NAPRT: variants seen among roughly 807,000 people sequenced by gnomAD.
NAPRT encodes the protein nicotinate phosphoribosyltransferase.
Under a neutral mutation model 60.7 loss-of-function variants are expected in NAPRT, and 66 were observed. The observed-to-expected ratio is 1.09, with a 90% CI of 0.89 to 1.33. The LOEUF (loss-of-function observed/expected upper bound fraction) is 1.33, where lower values mean the gene tolerates loss of function less well. Ranked by LOEUF, NAPRT falls within the 40% of genes most tolerant of loss-of-function variation. The probability of loss-of-function intolerance (pLI) is 0.00; values close to 1 mark genes in which losing one functional copy is unlikely to be tolerated. For synonymous variants in NAPRT, 405 were observed against 335.7 expected, an observed-to-expected ratio of 1.21 and a Z score of -2.26; for missense variants, 818 against 731.5, an observed-to-expected ratio of 1.12 and a Z score of -1.36.
intron 8 of NAPRT, 36 bp from the exon 9 acceptor site, chr8:143,575,738 C>T: frequency 6.8e-7 from 1 of 1,466,576 alleles, no homozygotes. Flanking sequence ...AGCCCAGCTG[C>T]CCTGGGTGGG....
downstream of NAPRT, chr8:143,573,855 C>T (rs1227715449): frequency 1.3e-5 from 2 of 152,420 alleles, no homozygotes; most frequent in African/African-American, 4.8e-5. Context: ...CACCCTCCAC[C>T]CTCAGCCAAC....
In NAPRT at chr8:143,576,026, G is replaced by A. The variant is rs1281227402; in HGVS notation, c.1107+52C>T. 1.1e-5 allele frequency: 16 copies of A among 1,457,978 alleles called. No individual in the cohort carries two copies. In the Admixed American group the frequency reaches 3.5e-4, roughly 32 times the overall value. 90.3% of individuals were successfully genotyped at this position (1,457,978 alleles called of 1,614,324 possible). On this transcript the variant is annotated intron_variant, in intron 8 of 12. Transcript: ENST00000449291. The stretch of plus-strand genomic sequence containing the variant: ...CAATGAGCCCAGCCAGAACCTGCAG[G>A]GGCCCCCAGAGCCCCCCAGCCACCC...
chr8:143,575,005 C>T lies in NAPRT; in HGVS notation c.1535G>A (p.Arg512Gln), dbSNP rs945485564. 50 of 1,524,790 alleles carry T rather than the reference C, an allele frequency of 3.3e-5. No homozygotes were observed. The highest frequency in any genetic ancestry group is 3.8e-5 in the Non-Finnish European group (43 of 1,132,406). The allele number at this position is 1,524,790 out of a possible 1,614,324, so 94.5% of individuals were successfully genotyped here. Residue 512 changes from arginine to glutamine, a missense_variant, in exon 12 of 13, where the codon CGG (arginine) becomes CAG (glutamine). Arg to Gln is a conservative substitution (Grantham distance 43). Coordinates refer to ENST00000449291, the MANE Select transcript of NAPRT (RefSeq NM_145201.6). ...SRLSPEHRRLRSPAQYQVVLS... is the reference protein window; with the variant it reads ...SRLSPEHRRLQSPAQYQVVLS... ...CCCAACCTGGTACTGTGCAGGGCTCCGCAGCCGCCTGTGCTCAGGGCTGAG... is the reference window on the plus strand; with the variant it reads ...CCCAACCTGGTACTGTGCAGGGCTCTGCAGCCGCCTGTGCTCAGGGCTGAG...
chr8:143,577,122 G>A lies in NAPRT; in HGVS notation c.624C>T (p.Ala208=), dbSNP rs766701852. The A allele has an allele frequency of 2.8e-5, 45 of 1,612,868 alleles. No homozygotes were observed. The highest frequency in any genetic ancestry group is 1.6e-4 in the Middle Eastern group (1 of 6,084). ...TGACGAAGGAGTGGGCCAGGGTCCC[G>A]GCCACCGGCACACCTCGCAGCTGGC... ...LAGQLRGVPV[A]GTLAHSFVTS... Residue 208 remains alanine, a synonymous_variant, in exon 5 of 13, where the codon GCC becomes GCT. Transcript: ENST00000449291.
intron 5 of NAPRT, 81 bp from the exon 6 acceptor site, chr8:143,576,923 G>A (rs1216161933): frequency 2.0e-6 from 3 of 1,510,134 alleles, no homozygotes; most frequent in African/African-American, 2.8e-5. Flanking sequence ...CCTAGTTTGA[G>A]AGCAAAGGTA....
rs1355085816 is a variant in NAPRT at position 143,574,833 on chromosome 8, G to A, written c.*5C>T. ...TGTTGTTTCCAGTCAGCCCCGCTCC[G>A]AGTCTCAGGGGGACTGCCCCGCACA... On this transcript the variant is annotated 3_prime_UTR_variant, in exon 13 of 13. Coordinates refer to ENST00000449291, the MANE Select transcript of NAPRT (RefSeq NM_145201.6). The A allele has an allele frequency of 2.3e-5, 35 of 1,550,688 alleles. No individual in the cohort carries two copies. In the Admixed American group the frequency reaches 3.3e-4, roughly 15 times the overall value.
downstream of NAPRT, chr8:143,574,515 A>G (rs1424827126): frequency 1.9e-6 from 1 of 535,672 alleles, no homozygotes; most frequent in Non-Finnish European, 3.4e-6. Context: ...CTCAACTCCA[A>G]GGCAGACACC....
intron 7 of NAPRT, 95 bp downstream of exon 7, chr8:143,576,337 C>T: frequency 1.3e-6 from 2 of 1,502,342 alleles, no homozygotes; most frequent in Non-Finnish European, 9.0e-7. Context: ...AGTATCACCG[C>T]TGAAACTTCA....
At chr8:143,576,930 G>A (rs774547926) in intron 5 of NAPRT, 88 bp from the exon 6 acceptor site, 60 of 1,500,624 alleles carry the variant, frequency 4.0e-5, no homozygotes, top group Non-Finnish European at 5.2e-5. Context: ...TGAGAGCAAA[G>A]GTAATGCAGC....
chr8:143,577,394 A>C lies in NAPRT; in HGVS notation c.443T>G (p.Val148Gly). 1 of 1,606,630 alleles carries C rather than the reference A, an allele frequency of 6.2e-7. No homozygotes were observed. Among genetic ancestry groups the C allele is most frequent in the Non-Finnish European group, 8.5e-7 (1 of 1,177,494 alleles). Residue 148 changes from valine (V) to glycine (G), a missense_variant, in exon 4 of 13, where the codon GTG becomes GGG. Physicochemically the swap from Val to Gly is moderately radical, Grantham distance 109 (BLOSUM62 -3). Transcript: ENST00000449291. ...GCGAAGCCGCGCTGCGTTGGTGGCC[A>C]CCAGGCTGTGGGGAGCCAAGAGTCA... ...LLCLVSYASL[V>G]ATNAARLRLI... is the part of the protein sequence containing the mutation.
At chr8:143,575,765 C>A in intron 8 of NAPRT, 63 bp from the exon 9 acceptor site, 2 of 1,156,422 alleles carry the variant, frequency 1.7e-6, no homozygotes, top group Non-Finnish European at 2.4e-6. Context: ...GGTGGCACTG[C>A]CCTGGGTGGG....
At chr8:143,576,050 C>T in intron 8 of NAPRT, 28 bp downstream of exon 8, 1 of 1,543,452 alleles carries the variant, frequency 6.5e-7, no homozygotes, top group Non-Finnish European at 8.8e-7. Context: ...CCCCAGCCAC[C>T]CTCCGCCTAC....
At position 143,576,422 on chromosome 8, in the gene NAPRT, G is replaced by A. The variant is rs763521868; in HGVS notation, c.1022+10C>T. 1.3e-6 allele frequency: 2 copies of A among 1,595,462 alleles called. No individual in the cohort carries two copies. The highest frequency in any genetic ancestry group is 1.7e-6 in the Non-Finnish European group (2 of 1,168,996). On this transcript the variant is annotated intron_variant, in intron 7 of 12. Coordinates refer to ENST00000449291, the MANE Select transcript of NAPRT (RefSeq NM_145201.6). ...TCCCACCAGGCACACCTCCTCCCCGGGAAACTCACTGGGCTGCAGCAGCTC... is the reference window on the plus strand; with the variant it reads ...TCCCACCAGGCACACCTCCTCCCCGAGAAACTCACTGGGCTGCAGCAGCTC...
Position 143,577,799 on chromosome 8 carries a change from C to T in NAPRT, c.354+17G>A, listed in dbSNP as rs752349873. On this transcript the variant is annotated intron_variant, in intron 2 of 12. Transcript: ENST00000449291. ...AGCACCCCGTGGCCGCCGCGCCGCC[C>T]GCTTACCCCTACTCACTCCGGGGAA... 6.9e-6 allele frequency: 11 copies of T among 1,596,358 alleles called. No individual in the cohort carries two copies. The highest frequency in any genetic ancestry group is 8.5e-6 in the Non-Finnish European group (10 of 1,172,928).
At position 143,576,433 on chromosome 8, in the gene NAPRT, G is replaced by A. The variant is rs752050620; in HGVS notation, c.1021C>T (p.Gln341Ter). The change falls in exon 7 of 13, where the codon CAG becomes TAG. Residue 341 changes from glutamine to a stop codon, truncating the protein, a stop_gained and splice_region_variant. Coordinates refer to ENST00000449291, the MANE Select transcript of NAPRT (RefSeq NM_145201.6). LOFTEE classifies it high-confidence loss of function. Reference protein sequence around the residue: ...IRKVFRAAAAQFQVPWLESVL... With the variant: ...IRKVFRAAAA ...ACACCTCCTCCCCGGGAAACTCACT[G>A]GGCTGCAGCAGCTCGGAAGACCTTG... The A allele has an allele frequency of 2.5e-6, 4 of 1,601,112 alleles. No individual in the cohort carries two copies. The East Asian group carries it at 9.0e-5, about 36-fold the overall frequency.
Position 143,578,126 on chromosome 8 carries a change from G to T in NAPRT, c.193C>A (p.Arg65Ser). The change falls in exon 1 of 13, where the codon CGC becomes AGC. Residue 65 changes from arginine (R) to serine (S), a missense_variant. Transcript: ENST00000449291. Reference sequence around the variant, plus strand: ...CGCAGGCGGAAGGCGCGCAGGAAGCGCACACAGTCGCGCAAGCCGGCGGCC... The same window carrying T: ...CGCAGGCGGAAGGCGCGCAGGAAGCTCACACAGTCGCGCAAGCCGGCGGCC... Reference protein sequence around the residue: ...ALAAGLRDCVRFLRAFRLRDA... With the variant: ...ALAAGLRDCVSFLRAFRLRDA... 2.0e-6 allele frequency: 3 copies of T among 1,527,968 alleles called. No homozygotes were observed. Among genetic ancestry groups the T allele is most frequent in the Non-Finnish European group, 1.7e-6 (2 of 1,144,362 alleles). 94.7% of individuals were successfully genotyped at this position (1,527,968 alleles called of 1,614,324 possible). A position where few individuals can be genotyped will look rare whatever the true frequency, so the allele number is the denominator to read the frequency against.
At position 143,575,002 on chromosome 8, in the gene NAPRT, C is replaced by G; in HGVS notation, c.1538G>C (p.Ser513Thr). 6.5e-7 allele frequency: 1 copy of G among 1,527,268 alleles called. No individual in the cohort carries two copies. Among genetic ancestry groups the G allele is most frequent in the Non-Finnish European group, 8.8e-7 (1 of 1,133,704 alleles). The allele number at this position is 1,527,268 out of a possible 1,614,324, so 94.6% of individuals were successfully genotyped here. A position where few individuals can be genotyped will look rare whatever the true frequency, so the allele number is the denominator to read the frequency against. The change falls in exon 12 of 13, where the codon AGC (serine) becomes ACC (threonine). Residue 513 changes from serine (S) to threonine (T), a missense_variant. Physicochemically the swap from Ser to Thr is moderately conservative, Grantham distance 58 (BLOSUM62 1). Coordinates refer to ENST00000449291, the MANE Select transcript of NAPRT (RefSeq NM_145201.6). ...CCCCCCAACCTGGTACTGTGCAGGGCTCCGCAGCCGCCTGTGCTCAGGGCT... is the reference window on the plus strand; with the variant it reads ...CCCCCCAACCTGGTACTGTGCAGGGGTCCGCAGCCGCCTGTGCTCAGGGCT... ...RLSPEHRRLR[S>T]PAQYQVVLSE...
downstream of NAPRT, chr8:143,573,750 G>A (rs992230794): frequency 7.0e-6 from 1 of 142,726 alleles, no homozygotes; most frequent in African/African-American, 2.6e-5. Flanking sequence ...GGTGCCTGGG[G>A]TGTGGTGTGT....
At position 143,576,518 on chromosome 8, in the gene NAPRT, G is replaced by A. The variant is rs1228657126; in HGVS notation, c.936C>T (p.Tyr312=). The change falls in exon 7 of 13, where the codon TAC becomes TAT. Residue 312 remains tyrosine, a synonymous_variant. Transcript: ENST00000449291. ...TGTCCAGCCTCACGCCCACTGCCCG[G>A]TAGCCCAGCTCTCCCAGGGCCAGGG... ...AVALALGELG[Y]RAVGVRLDSG... 1.2e-6 allele frequency: 2 copies of A among 1,612,380 alleles called. No individual in the cohort carries two copies. The highest frequency in any genetic ancestry group is 1.7e-6 in the Non-Finnish European group (2 of 1,179,746).
Sources: allele counts gnomAD v4.1 joint callset, GRCh38; gene constraint gnomAD v4.1.1; transcripts MANE v1.5; gene names NCBI Gene and HGNC (gene_info 2026-07-23, HGNC 2026-07-21).